CD38: variants seen among roughly 807,000 people sequenced by gnomAD.
CD38 encodes the protein CD38 molecule.
CD38 carries 31 observed loss-of-function variants against 36.3 expected under a neutral mutation model. That is an observed-to-expected ratio of 0.85 (90% CI 0.64 to 1.15). The LOEUF is 1.15. Among genes scored for constraint, CD38 ranks in the 50% most tolerant of loss-of-function variants. The probability of loss-of-function intolerance (pLI) is 0.00; values close to 1 mark genes in which losing one functional copy is unlikely to be tolerated. For missense variants in CD38, 380 were observed against 371.9 expected (o/e 1.02, Z -0.18); for synonymous variants, 131 against 135.2 (o/e 0.97, Z 0.22).
intron 1 of CD38, among the ~76,000 whole-genome samples, chr4:15,808,886 G>C (rs777693342): frequency 1.3e-5 from 2 of 152,144 alleles, no homozygotes; most frequent in African/African-American, 4.8e-5. Flanking sequence ...TAGGGGGCTC[G>C]CCCTCTGTTC....
chr4:15,841,085 T>A (rs1724195599), intron 7 of CD38, among the ~76,000 whole-genome samples: 1 of 152,190 alleles, frequency 6.6e-6, no homozygotes, highest in South Asian at 2.1e-4. Flanking sequence ...TTTGTGTTTA[T>A]TAGAAAACAG....
At chr4:15,835,817 T>A (rs985871952) in intron 4 of CD38, among the ~76,000 whole-genome samples, 4 of 152,194 alleles carry the variant, frequency 2.6e-5, no homozygotes, top group African/African-American at 9.7e-5. Flanking sequence ...TGGCCAGGAA[T>A]ACATTTTTTA....
At chr4:15,816,856 G>A in intron 2 of CD38, 1 of 515,532 alleles carries the variant, frequency 1.9e-6, no homozygotes, top group Non-Finnish European at 3.5e-6. Context: ...AGAGAAATAG[G>A]GATACAGAGA....
At chr4:15,831,517 C>G (rs1057392876) in intron 3 of CD38, among the ~76,000 whole-genome samples, 1 of 152,120 alleles carries the variant, frequency 6.6e-6, no homozygotes, top group Non-Finnish European at 1.5e-5. Flanking sequence ...CTGTGTTTCT[C>G]CTTCAAGTTT....
chr4:15,831,318 A>G (rs953969884), intron 3 of CD38, among the ~76,000 whole-genome samples: 1 of 152,212 alleles, frequency 6.6e-6, no homozygotes, highest in South Asian at 2.1e-4. Context: ...TTTACACGTC[A>G]TAGTTACAGT....
At chr4:15,784,263 G>C (rs1415088225) in intron 1 of CD38, among the ~76,000 whole-genome samples, 1 of 152,222 alleles carries the variant, frequency 6.6e-6, no homozygotes, top group African/African-American at 2.4e-5. Flanking sequence ...TGGAGATGCA[G>C]ACGTGCCCCA....
At chr4:15,794,445 T>C (rs746927160) in intron 1 of CD38, among the ~76,000 whole-genome samples, 3 of 152,174 alleles carry the variant, frequency 2.0e-5, no homozygotes, top group Non-Finnish European at 4.4e-5. Flanking sequence ...AGATATAAAT[T>C]TGGAAATCAA....
At chr4:15,848,275 G>A (rs1724306634) in intron 7 of CD38, among the ~76,000 whole-genome samples, 1 of 152,126 alleles carries the variant, frequency 6.6e-6, no homozygotes, top group African/African-American at 2.4e-5. Flanking sequence ...ATTCCCTCAG[G>A]AAGCTTCGGA....
At chr4:15,817,614 T>C (rs150955577) in intron 2 of CD38, among the ~76,000 whole-genome samples, 151 of 152,388 alleles carry the variant, frequency 9.9e-4, no homozygotes, top group African/African-American at 3.4e-3. Flanking sequence ...ATTACCATTT[T>C]ACAGGTGTAG....
intron 1 of CD38, among the ~76,000 whole-genome samples, chr4:15,798,600 T>G (rs1258398113): frequency 6.6e-6 from 1 of 152,170 alleles, no homozygotes; most frequent in African/African-American, 2.4e-5. Context: ...GAAAGAAGGG[T>G]AAAAGAAATC....
In CD38 at chr4:15,850,615, T is replaced by C. The variant is rs557397945; in HGVS notation, c.*2013T>C. The C allele has an allele frequency of 2.0e-5, 3 of 152,442 alleles. No homozygotes were observed. The highest frequency in any genetic ancestry group is 4.8e-5 in the African/African-American group (2 of 41,570). The allele number at this position is 152,442 out of a possible 1,614,324, so 9.4% of individuals were successfully genotyped here. A position where few individuals can be genotyped will look rare whatever the true frequency, so the allele number is the denominator to read the frequency against. The stretch of plus-strand genomic sequence containing the variant: ...AAGCACTCAACAGAGTTGGTTCCTT[T>C]CTTCCTCCCCTGCTTGACAATCCAG... On this transcript the variant is annotated 3_prime_UTR_variant, in exon 8 of 8. Transcript: ENST00000226279.
At chr4:15,833,958 T>A (rs1380292331) in intron 3 of CD38, among the ~76,000 whole-genome samples, 1 of 152,222 alleles carries the variant, frequency 6.6e-6, no homozygotes, top group Non-Finnish European at 1.5e-5. Context: ...TCAGATGAAC[T>A]TTTGGTAGCA....
intron 3 of CD38, among the ~76,000 whole-genome samples, chr4:15,827,267 G>A (rs1577655348): frequency 6.6e-6 from 1 of 152,204 alleles, no homozygotes; most frequent in East Asian, 1.9e-4. Context: ...TCTGGCTCAA[G>A]TTGGCGAATA....
At chr4:15,791,026 C>A (rs1230482408) in intron 1 of CD38, among the ~76,000 whole-genome samples, 1 of 143,974 alleles carries the variant, frequency 6.9e-6, no homozygotes, top group South Asian at 2.2e-4. Context: ...CCGGCAGCCA[C>A]CCCGTCCGGG....
chr4:15,785,488 A>G (rs1486721341), intron 1 of CD38, among the ~76,000 whole-genome samples: 2 of 151,892 alleles, frequency 1.3e-5, no homozygotes, highest in Non-Finnish European at 2.9e-5. Context: ...TTCTGGTGTC[A>G]TAATAGCTCT....
chr4:15,836,664 C>A (rs1240931310), intron 4 of CD38, among the ~76,000 whole-genome samples: 1 of 152,184 alleles, frequency 6.6e-6, no homozygotes, highest in African/African-American at 2.4e-5. Context: ...GATTCCAAAG[C>A]CATGCTCTTC....
chr4:15,816,122 TCGTGGTG>T (rs1449685111), intron 1 of CD38, among the ~76,000 whole-genome samples: 3 of 152,216 alleles, frequency 2.0e-5, no homozygotes, highest in East Asian at 3.8e-4. Flanking sequence ...GCCAACTTGA[TCGTGGTG>T]GATAAGCTTT....
intron 1 of CD38, among the ~76,000 whole-genome samples, chr4:15,794,385 G>C (rs1298569823): frequency 6.6e-6 from 1 of 152,192 alleles, no homozygotes; most frequent in African/African-American, 2.4e-5. Flanking sequence ...ATGTTGACCA[G>C]AAGACTGGTT....
intron 1 of CD38, among the ~76,000 whole-genome samples, chr4:15,791,013 C>T (rs370299553): frequency 0.044 from 6,168 of 139,628 alleles, 175 homozygotes; most frequent in East Asian, 0.15. Flanking sequence ...GGAGCGTCTC[C>T]GCCCGGCAGC....
Sources: allele counts gnomAD v4.1 joint callset (sites outside exome capture counted in the v4.1 genomes callset), GRCh38; gene constraint gnomAD v4.1.1; transcripts MANE v1.5; gene names NCBI Gene and HGNC (gene_info 2026-07-23, HGNC 2026-07-21).